Variants in PSMA8 observed in about 807,000 individuals in gnomAD.
The protein encoded by PSMA8 is proteasome subunit alpha-type 8.
PSMA8 carries 18 observed loss-of-function variants against 32.4 expected under a neutral mutation model. That is an observed-to-expected ratio of 0.56 (90% CI 0.38 to 0.82). PSMA8 has a LOEUF of 0.82. Ranked by LOEUF, PSMA8 falls within the 40% of genes least tolerant of loss-of-function variation. The pLI is 0.00. For missense variants in PSMA8, 298 were observed against 300.7 expected, an observed-to-expected ratio of 0.99 and a Z score of 0.07; for synonymous variants, 104 against 98.1, an observed-to-expected ratio of 1.06 and a Z score of -0.36.
At chr18:26,190,266 C>T (rs2055391163) in intron 6 of PSMA8, among the ~76,000 whole-genome samples, 1 of 152,122 alleles carries the variant, frequency 6.6e-6, no homozygotes, top group African/African-American at 2.4e-5. Flanking sequence ...TTTAATTGTA[C>T]ATTTTAAGAT....
chr18:26,176,836 G>A (rs1310539397), intron 4 of PSMA8, among the ~76,000 whole-genome samples: 1 of 152,112 alleles, frequency 6.6e-6, no homozygotes, highest in Admixed American at 6.5e-5. Flanking sequence ...GGGAGGCTGA[G>A]GCAGGAGAAT....
intron 6 of PSMA8, among the ~76,000 whole-genome samples, chr18:26,183,201 G>A (rs1490514774): frequency 6.7e-6 from 1 of 149,738 alleles, no homozygotes; most frequent in Non-Finnish European, 1.5e-5. Context: ...AGACCAGCCT[G>A]ATCAATATGG....
At chr18:26,179,442 T>G (rs2055292122) in intron 6 of PSMA8, among the ~76,000 whole-genome samples, 1 of 152,154 alleles carries the variant, frequency 6.6e-6, no homozygotes, top group African/African-American at 2.4e-5. Context: ...GTCTACTGAT[T>G]TTTATGTATT....
intron 4 of PSMA8, among the ~76,000 whole-genome samples, chr18:26,160,244 G>T: frequency 6.6e-6 from 1 of 152,188 alleles, no homozygotes. Context: ...GTTTGAAGCT[G>T]CAGTAAGCTA....
intron 3 of PSMA8, among the ~76,000 whole-genome samples, chr18:26,153,197 T>C (rs926769298): frequency 2.0e-5 from 3 of 152,232 alleles, no homozygotes; most frequent in African/African-American, 2.4e-5. Flanking sequence ...AATGTAATAC[T>C]GTTTCTAGTT....
intron 4 of PSMA8, among the ~76,000 whole-genome samples, chr18:26,167,295 CAT>C (rs1568064313): frequency 6.6e-6 from 1 of 152,254 alleles, no homozygotes; most frequent in East Asian, 1.9e-4. Flanking sequence ...GCCATAATAA[CAT>C]ATTGCAATAT....
intron 2 of PSMA8, among the ~76,000 whole-genome samples, chr18:26,149,267 T>C (rs1269904233): frequency 6.6e-6 from 1 of 152,202 alleles, no homozygotes; most frequent in Non-Finnish European, 1.5e-5. Context: ...GCAAAAGATT[T>C]GTACTCTGAA....
chr18:26,134,135 C>T (rs913462161), intron 1 of PSMA8, 68 bp downstream of exon 1: 3 of 1,129,350 alleles, frequency 2.7e-6, no homozygotes, highest in Non-Finnish European at 4.0e-6. Context: ...CCCTGCTGCC[C>T]CAGCCCACCT....
intron 6 of PSMA8, among the ~76,000 whole-genome samples, chr18:26,187,232 G>C (rs2055362906): frequency 6.6e-6 from 1 of 152,108 alleles, no homozygotes; most frequent in African/African-American, 2.4e-5. Context: ...TGTTGTCCCA[G>C]CTACTCAGGG....
intron 1 of PSMA8, among the ~76,000 whole-genome samples, chr18:26,135,825 C>A (rs1342356441): frequency 6.6e-6 from 1 of 152,008 alleles, no homozygotes; most frequent in Non-Finnish European, 1.5e-5. Flanking sequence ...ATAAAAATAC[C>A]TATAGTGGGC....
Position 26,144,698 on chromosome 18 carries a change from C to T in PSMA8, c.229+13C>T. 1 of 1,612,966 alleles carries T rather than the reference C, an allele frequency of 6.2e-7. No individual in the cohort carries two copies. The highest frequency in any genetic ancestry group is 8.5e-7 in the Non-Finnish European group (1 of 1,179,314). ...ATGGCTTTTGCAGGTACTTAAGGTC[C>T]TACAATAATGATGCATAGTGTCTTA... On this transcript the variant is annotated intron_variant, in intron 2 of 6. Transcript: ENST00000415576.
At chr18:26,163,345 A>G (rs1466764993) in intron 4 of PSMA8, among the ~76,000 whole-genome samples, 2 of 150,386 alleles carry the variant, frequency 1.3e-5, no homozygotes, top group East Asian at 2.0e-4. Context: ...GTCCCTTTGA[A>G]AAGGAGACAT....
At chr18:26,134,490 C>T (rs892953612) in intron 1 of PSMA8, among the ~76,000 whole-genome samples, 6 of 151,844 alleles carry the variant, frequency 4.0e-5, no homozygotes, top group African/African-American at 1.2e-4. Context: ...TCAGAGACCC[C>T]TGGAAAAGTT....
chr18:26,167,480 CAT>C (rs2055189616), intron 4 of PSMA8, among the ~76,000 whole-genome samples: 1 of 152,076 alleles, frequency 6.6e-6, no homozygotes, highest in East Asian at 1.9e-4. Context: ...TTTATATTAA[CAT>C]GTGTTATAGA....
At chr18:26,143,041 A>C (rs1472509402) in intron 1 of PSMA8, among the ~76,000 whole-genome samples, 1 of 152,220 alleles carries the variant, frequency 6.6e-6, no homozygotes, top group Non-Finnish European at 1.5e-5. Flanking sequence ...CAGCACTAGT[A>C]CTGCCGCCTT....
At chr18:26,134,235 G>A (rs1277170035) in intron 1 of PSMA8, among the ~76,000 whole-genome samples, 168 bp downstream of exon 1, 2 of 152,018 alleles carry the variant, frequency 1.3e-5, no homozygotes, top group African/African-American at 4.8e-5. Flanking sequence ...TCTAGATTTG[G>A]GCCGGAAGTG....
At chr18:26,154,053 C>T (rs931820316) in intron 3 of PSMA8, among the ~76,000 whole-genome samples, 1 of 152,114 alleles carries the variant, frequency 6.6e-6, no homozygotes, top group Non-Finnish European at 1.5e-5. Context: ...CGGCACATGC[C>T]ACCACACCTG....
At chr18:26,141,886 A>G (rs953611952) in intron 1 of PSMA8, among the ~76,000 whole-genome samples, 10 of 150,790 alleles carry the variant, frequency 6.6e-5, no homozygotes, top group African/African-American at 1.9e-4. Flanking sequence ...TAATCCCACT[A>G]TGTTGCCCAG....
rs1283117945 is a variant in PSMA8, at chr18:26,133,886, C to A, written c.-80C>A. On this transcript the variant is annotated 5_prime_UTR_variant, in exon 1 of 7. Transcript: ENST00000415576. ...GTGGAAGCGCTTCCGGGCGGTAGCA[C>A]GCTGTGTTGGCGGCGGCTCCCCGCT... 2.4e-6 allele frequency: 3 copies of A among 1,241,782 alleles called. No individual in the cohort carries two copies. The highest frequency in any genetic ancestry group is 1.2e-5 in the South Asian group (1 of 80,152). 76.9% of individuals were successfully genotyped at this position (1,241,782 alleles called of 1,614,324 possible).
Sources: gnomAD v4.1 joint callset for allele counts (sites outside exome capture counted in the v4.1 genomes callset) on GRCh38, gnomAD v4.1.1 for gene constraint, MANE v1.5 for transcripts, NCBI Gene and HGNC (gene_info 2026-07-23, HGNC 2026-07-21) for gene names.